DNM3: variants seen among roughly 807,000 people sequenced by gnomAD.
DNM3 encodes dynamin-3.
In DNM3, 47 loss-of-function variants were observed where a neutral mutation model predicts 101.6. That is an observed-to-expected ratio of 0.46 (90% CI 0.37 to 0.59). The LOEUF (loss-of-function observed/expected upper bound fraction) is 0.59. DNM3 is among the 20% of genes least tolerant of loss of function. The pLI, the probability that DNM3 is intolerant of heterozygous loss-of-function variation, is 0.00. For synonymous variants in DNM3, 385 were observed against 387.9 expected, an observed-to-expected ratio of 0.99 and a Z score of 0.09; for missense variants, 849 against 1,085.7, an observed-to-expected ratio of 0.78 and a Z score of 3.06.
At chr1:172,005,445 T>C (rs77072055) in intron 4 of DNM3, among the ~76,000 whole-genome samples, 4,493 of 152,126 alleles carry the variant, frequency 0.03, 224 homozygotes, top group African/African-American at 0.1. Flanking sequence ...CTGTTAAACT[T>C]AAATCTCACT....
intron 15 of DNM3, among the ~76,000 whole-genome samples, chr1:172,274,709 C>A (rs1438064178): frequency 2.0e-4 from 29 of 143,996 alleles, no homozygotes; most frequent in Non-Finnish European, 1.5e-5. Flanking sequence ...GTTTTTAAAC[C>A]TTCTCTAGTG....
chr1:172,285,255 G>A (rs1335745263), intron 15 of DNM3, among the ~76,000 whole-genome samples: 1 of 152,160 alleles, frequency 6.6e-6, no homozygotes, highest in African/African-American at 2.4e-5. Context: ...ACCTGAAACA[G>A]CCTCCCCAAA....
At chr1:172,249,972 G>A (rs1382729726) in intron 14 of DNM3, among the ~76,000 whole-genome samples, 1 of 152,138 alleles carries the variant, frequency 6.6e-6, no homozygotes, top group Non-Finnish European at 1.5e-5. Flanking sequence ...ACTATATTGT[G>A]TAAGCTTATA....
At chr1:171,871,866 T>A (rs2035319328) in intron 1 of DNM3, among the ~76,000 whole-genome samples, 1 of 149,856 alleles carries the variant, frequency 6.7e-6, no homozygotes, top group South Asian at 2.1e-4. Flanking sequence ...GTTGTCTTGT[T>A]TTTTTTTTTT....
intron 14 of DNM3, among the ~76,000 whole-genome samples, chr1:172,237,827 G>C (rs773748511): frequency 6.6e-6 from 1 of 152,170 alleles, no homozygotes; most frequent in Non-Finnish European, 1.5e-5. Context: ...ATTAATGTGA[G>C]AGATTATATT....
chr1:172,111,856 G>C (rs1197657233), intron 13 of DNM3, among the ~76,000 whole-genome samples: 1 of 151,246 alleles, frequency 6.6e-6, no homozygotes, highest in African/African-American at 2.4e-5. Flanking sequence ...CCATTTAAGG[G>C]TTTTGCAAAG....
At chr1:172,289,782 T>C in intron 15 of DNM3, 3 of 985,284 alleles carry the variant, frequency 3.0e-6, no homozygotes, top group Non-Finnish European at 3.6e-6. Context: ...GTAATTATAC[T>C]TTTGAGTTAC....
At chr1:172,048,542 T>C (rs2049978859) in intron 9 of DNM3, 70 bp from the exon 10 acceptor site, 2 of 1,498,592 alleles carry the variant, frequency 1.3e-6, no homozygotes, top group African/African-American at 2.8e-5. Flanking sequence ...AATTTAAACA[T>C]TTTTCAAAAG....
intron 1 of DNM3, among the ~76,000 whole-genome samples, chr1:171,876,771 AG>A (rs2035825579): frequency 6.6e-6 from 1 of 152,246 alleles, no homozygotes; most frequent in African/African-American, 2.4e-5. Flanking sequence ...TGGGGATGAA[AG>A]GTTGTTATTC....
At chr1:172,121,638 G>C (rs1329117971) in intron 13 of DNM3, among the ~76,000 whole-genome samples, 1 of 152,194 alleles carries the variant, frequency 6.6e-6, no homozygotes, top group Non-Finnish European at 1.5e-5. Flanking sequence ...GACTCCTTCA[G>C]TTGCATGATG....
At chr1:171,934,932 T>C (rs2041292958) in intron 2 of DNM3, among the ~76,000 whole-genome samples, 1 of 152,196 alleles carries the variant, frequency 6.6e-6, no homozygotes, top group African/African-American at 2.4e-5. Flanking sequence ...TCTTCTGGGA[T>C]AGATATTATG....
chr1:172,302,918 G>A (rs1039956081), intron 15 of DNM3, among the ~76,000 whole-genome samples: 3 of 152,146 alleles, frequency 2.0e-5, no homozygotes, highest in Admixed American at 2.0e-4. Flanking sequence ...CCACAAAGCT[G>A]GGGAGAAACC....
intron 10 of DNM3, among the ~76,000 whole-genome samples, chr1:172,060,016 A>T (rs149902398): frequency 0.017 from 2,610 of 151,816 alleles, 40 homozygotes; most frequent in South Asian, 0.037. Flanking sequence ...TACAAAATCA[A>T]TGTACAGAAA....
intron 14 of DNM3, among the ~76,000 whole-genome samples, chr1:172,175,725 G>T (rs1034400817): frequency 2.6e-5 from 4 of 151,784 alleles, no homozygotes; most frequent in African/African-American, 9.7e-5. Context: ...ACGATCAAAT[G>T]TTGAAAGAAT....
chr1:172,185,190 T>C (rs1012771765), intron 14 of DNM3, among the ~76,000 whole-genome samples: 1 of 152,066 alleles, frequency 6.6e-6, no homozygotes, highest in African/African-American at 2.4e-5. Context: ...AATGCCTCCT[T>C]TATTTGCATC....
intron 17 of DNM3, among the ~76,000 whole-genome samples, chr1:172,354,735 G>T (rs2067365414): frequency 6.6e-6 from 1 of 152,148 alleles, no homozygotes; most frequent in Non-Finnish European, 1.5e-5. Context: ...GAGCTGGAAA[G>T]CAGAGGGCCT....
intron 14 of DNM3, among the ~76,000 whole-genome samples, chr1:172,233,405 A>T (rs557055260): frequency 1.2e-4 from 19 of 152,310 alleles, no homozygotes; most frequent in African/African-American, 4.6e-4. Context: ...TCAATAGCTT[A>T]CCAACCAAAA....
chr1:172,018,599 C>T (rs1453224570), intron 4 of DNM3, among the ~76,000 whole-genome samples: 1 of 152,166 alleles, frequency 6.6e-6, no homozygotes, highest in Non-Finnish European at 1.5e-5. Context: ...ATCTGTACCA[C>T]TTTAAGAGTA....
In DNM3 at chr1:172,331,083, G is replaced by C. The variant is rs146835977; in HGVS notation, c.1893+7743G>C. Among the ~76,000 whole-genome samples, 572 of 152,196 alleles carry C rather than the reference G, an allele frequency of 3.8e-3. 4 individuals carry two copies. The highest frequency in any genetic ancestry group is 0.02 in the Middle Eastern group (6 of 294). On this transcript the variant is annotated intron_variant, in intron 17 of 20. Coordinates refer to ENST00000627582, the MANE Select transcript of DNM3 (RefSeq NM_015569.5). ...AAATGCTCACATTCCCTCATTCATT[G>C]CCTATTGCTTTCAATAGTGTCTTTG...
Sources: gnomAD v4.1 joint callset for allele counts (sites outside exome capture counted in the v4.1 genomes callset) on GRCh38, gnomAD v4.1.1 for gene constraint, MANE v1.5 for transcripts, NCBI Gene and HGNC (gene_info 2026-07-23, HGNC 2026-07-21) for gene names.